Variants in POU2F1 observed in about 807,000 individuals in gnomAD.
The protein encoded by POU2F1 is POU domain, class 2, transcription factor 1.
POU2F1 carries 16 observed loss-of-function variants against 84.9 expected under a neutral mutation model. The observed-to-expected ratio is 0.19, with a 90% CI of 0.13 to 0.29. The LOEUF (loss-of-function observed/expected upper bound fraction) is 0.29, where lower values mean the gene tolerates loss of function less well. POU2F1 is among the 10% of genes least tolerant of loss of function. The pLI, the probability that POU2F1 is intolerant of heterozygous loss-of-function variation, is 1.00. For missense variants in POU2F1, 738 were observed against 942.6 expected, an observed-to-expected ratio of 0.78 and a Z score of 2.84; for synonymous variants, 368 against 368.3, an observed-to-expected ratio of 1.00 and a Z score of 0.01.
chr1:167,259,134 T>C (rs980697449), intron 1 of POU2F1, among the ~76,000 whole-genome samples: 16 of 152,248 alleles, frequency 1.1e-4, no homozygotes, highest in Non-Finnish European at 4.4e-5. Context: ...ACAGCTTGTT[T>C]CTGCTTCACA....
intron 1 of POU2F1, among the ~76,000 whole-genome samples, chr1:167,230,932 A>G (rs1175472361): frequency 6.6e-6 from 1 of 152,242 alleles, no homozygotes; most frequent in Non-Finnish European, 1.5e-5. Flanking sequence ...CTAATACAGT[A>G]GAGGTCTGAA....
chr1:167,289,099 G>GT (rs1483122754), intron 1 of POU2F1, among the ~76,000 whole-genome samples: 1 of 152,144 alleles, frequency 6.6e-6, no homozygotes, highest in African/African-American at 2.4e-5. Context: ...GAGTATACTT[G>GT]TAGTAGCATT....
chr1:167,311,300 A>G (rs190839924), intron 1 of POU2F1, among the ~76,000 whole-genome samples: 143 of 152,264 alleles, frequency 9.4e-4, no homozygotes, highest in African/African-American at 3.3e-3. Context: ...CTTAGCAGAA[A>G]CCATGCAAGC....
chr1:167,294,152 AC>A (rs1654118573), intron 1 of POU2F1, among the ~76,000 whole-genome samples: 1 of 134,116 alleles, frequency 7.5e-6, no homozygotes, highest in Non-Finnish European at 1.5e-5. Context: ...TCTCAGTGAA[AC>A]CCCGTCTCTA....
At chr1:167,294,132 ACCAT>A (rs1380729796) in intron 1 of POU2F1, among the ~76,000 whole-genome samples, 7 of 145,328 alleles carry the variant, frequency 4.8e-5, no homozygotes, top group Middle Eastern at 3.6e-3. Flanking sequence ...GGAGATCAAG[ACCAT>A]CCTGATCTCA....
chr1:167,395,632 T>C (rs1648753967), intron 9 of POU2F1, among the ~76,000 whole-genome samples: 1 of 152,188 alleles, frequency 6.6e-6, no homozygotes, highest in Admixed American at 6.5e-5. Flanking sequence ...TGAGACAGGA[T>C]CTCGCTCTGT....
chr1:167,365,558 T>A lies in POU2F1; in HGVS notation c.219T>A (p.His73Gln), dbSNP rs1446418953. The A allele has an allele frequency of 6.3e-7, 1 of 1,594,572 alleles. No individual in the cohort carries two copies. The highest frequency in any genetic ancestry group is 8.5e-7 in the Non-Finnish European group (1 of 1,170,672). Reference protein sequence around the residue: ...STAQAQAFLGHLHQVQLAGTS... With the variant: ...STAQAQAFLGQLHQVQLAGTS... ...CCCAGGCGCAGGCTTTCCTTGGACATCTCCATCAGGTAGGAATGTTCTGCT... is the reference window on the plus strand; with the variant it reads ...CCCAGGCGCAGGCTTTCCTTGGACAACTCCATCAGGTAGGAATGTTCTGCT... The change falls in exon 3 of 16, where the codon CAT becomes CAA. Residue 73 changes from histidine (H) to glutamine (Q), a missense_variant. Physicochemically the swap from His to Gln is conservative, Grantham distance 24. Transcript: ENST00000367866.
chr1:167,282,741 C>A (rs1338627893), intron 1 of POU2F1, among the ~76,000 whole-genome samples: 1 of 152,170 alleles, frequency 6.6e-6, no homozygotes, highest in Non-Finnish European at 1.5e-5. Flanking sequence ...CTCAGGGAAG[C>A]CTGCTCTAAC....
chr1:167,317,332 A>G (rs1028673966), intron 1 of POU2F1, among the ~76,000 whole-genome samples: 5 of 152,196 alleles, frequency 3.3e-5, no homozygotes, highest in African/African-American at 9.7e-5. Context: ...TAATATTTCT[A>G]TTATTCAGTT....
chr1:167,252,016 G>GTATATA (rs35801025), intron 1 of POU2F1, among the ~76,000 whole-genome samples: 2 of 143,930 alleles, frequency 1.4e-5, no homozygotes, highest in South Asian at 2.2e-4. Flanking sequence ...GGCTAATTTT[G>GTATATA]TATATATATA....
Position 167,382,330 on chromosome 1 carries a change from G to C in POU2F1, c.719-1527G>C, listed in dbSNP as rs1235365774. On this transcript the variant is annotated intron_variant, in intron 7 of 15. Coordinates refer to ENST00000367866, the MANE Select transcript of POU2F1 (RefSeq NM_002697.4). ...AACTGGTGAGGAAGGATGAGGGAGAGGTTACCACACCTAGAATCTGAAGAC... is the reference window on the plus strand; with the variant it reads ...AACTGGTGAGGAAGGATGAGGGAGACGTTACCACACCTAGAATCTGAAGAC... Among the ~76,000 whole-genome samples the C allele has an allele frequency of 3.3e-5, 5 of 151,982 alleles. No homozygotes were observed. In the East Asian group the frequency reaches 7.7e-4, roughly 23 times the overall value.
At chr1:167,387,289 G>C (rs573801337) in intron 8 of POU2F1, 58 of 452,664 alleles carry the variant, frequency 1.3e-4, no homozygotes, top group Non-Finnish European at 2.1e-4. Context: ...TGAGAATGGG[G>C]CTACTTCAGG....
chr1:167,369,097 C>T (rs777386607), intron 3 of POU2F1, among the ~76,000 whole-genome samples: 2 of 152,112 alleles, frequency 1.3e-5, no homozygotes, highest in Non-Finnish European at 2.9e-5. Flanking sequence ...AGTTTATAGT[C>T]TCTTTCTCCC....
intron 7 of POU2F1, chr1:167,380,499 G>A (rs1179483949): frequency 6.6e-6 from 1 of 152,156 alleles, no homozygotes; most frequent in Non-Finnish European, 1.5e-5. Flanking sequence ...GCAATCATTC[G>A]TTAGTCGTAT....
chr1:167,374,104 T>A lies in POU2F1; in HGVS notation c.403-4T>A. The A allele has an allele frequency of 6.2e-7, 1 of 1,614,082 alleles. No homozygotes were observed. Among genetic ancestry groups the A allele is most frequent in the Non-Finnish European group, 8.5e-7 (1 of 1,179,990 alleles). On this transcript the variant is annotated splice_polypyrimidine_tract_variant and splice_region_variant and intron_variant, in intron 5 of 15. Coordinates refer to ENST00000367866, the MANE Select transcript of POU2F1 (RefSeq NM_002697.4). ...TTCCCATAATGTGTTCTGGTTTTGT[T>A]TAGCTTACTTTGACGCCTGCCCAGC...
rs202204364 is a variant in POU2F1, at chr1:167,374,254, C to T, written c.549C>T (p.Pro183=). Reference sequence around the variant, plus strand: ...CCATCTCCGCCTCTGCTGCCACGCCCATGACGCAGATCCCCCTGTCTCAGC... The same window carrying T: ...CCATCTCCGCCTCTGCTGCCACGCCTATGACGCAGATCCCCCTGTCTCAGC... ...GATISASAAT[P]MTQIPLSQPI... The change falls in exon 6 of 16, where the codon CCC becomes CCT. Residue 183 remains proline (P), a synonymous_variant. Coordinates refer to ENST00000367866, the MANE Select transcript of POU2F1 (RefSeq NM_002697.4). The T allele has an allele frequency of 5.6e-5, 90 of 1,613,404 alleles. 1 individual carries two copies. The South Asian group carries it at 8.9e-4, about 16-fold the overall frequency.
At chr1:167,349,698 A>G (rs958475020) in intron 2 of POU2F1, among the ~76,000 whole-genome samples, 3 of 152,228 alleles carry the variant, frequency 2.0e-5, no homozygotes, top group African/African-American at 7.2e-5. Flanking sequence ...ATAAATATTT[A>G]TTGAATACAG....
chr1:167,395,650 A>C (rs1034327674), intron 9 of POU2F1, among the ~76,000 whole-genome samples: 1 of 151,938 alleles, frequency 6.6e-6, no homozygotes, highest in Non-Finnish European at 1.5e-5. Context: ...TGTCACCCAG[A>C]CTGGAGTGCG....
chr1:167,298,367 A>T (rs1654431159), intron 1 of POU2F1, among the ~76,000 whole-genome samples: 1 of 152,148 alleles, frequency 6.6e-6, no homozygotes, highest in South Asian at 2.1e-4. Context: ...TTCCTTGAAC[A>T]TTTAAGTAAA....
Sources: allele counts gnomAD v4.1 joint callset (sites outside exome capture counted in the v4.1 genomes callset), GRCh38; gene constraint gnomAD v4.1.1; transcripts MANE v1.5; gene names NCBI Gene and HGNC (gene_info 2026-07-23, HGNC 2026-07-21).